Variants in NARS2 observed in about 807,000 individuals in gnomAD.
NARS2 encodes the protein asparaginyl-tRNA synthetase.
A neutral mutation model predicts 62.9 loss-of-function variants in NARS2; 60 were observed. The ratio of observed to expected loss-of-function variants is 0.95; its 90% CI spans 0.77 to 1.18. The LOEUF (loss-of-function observed/expected upper bound fraction) is 1.18. Ranked by LOEUF, NARS2 falls within the 50% of genes most tolerant of loss-of-function variation. The probability of loss-of-function intolerance (pLI) is 0.00; values close to 1 mark genes in which losing one functional copy is unlikely to be tolerated. For synonymous variants in NARS2, 196 were observed against 200.0 expected (o/e 0.98, Z 0.17); for missense variants, 619 against 576.4 (o/e 1.07, Z -0.76).
chr11:78,476,862 G>A (rs1356953513), intron 9 of NARS2, among the ~76,000 whole-genome samples: 1 of 152,120 alleles, frequency 6.6e-6, no homozygotes. Flanking sequence ...CTTAATTCCA[G>A]TACCCTCCCA....
At chr11:78,511,055 T>C (rs1352646246) in intron 6 of NARS2, among the ~76,000 whole-genome samples, 1 of 152,056 alleles carries the variant, frequency 6.6e-6, no homozygotes, top group Non-Finnish European at 1.5e-5. Flanking sequence ...GTGACAGAAA[T>C]AATTCTTTTT....
At chr11:78,547,787 C>T (rs1189068282) in intron 5 of NARS2, among the ~76,000 whole-genome samples, 2 of 152,112 alleles carry the variant, frequency 1.3e-5, no homozygotes, top group East Asian at 1.9e-4. Context: ...CTAAAATTGC[C>T]GTTAGAAAAT....
intron 11 of NARS2, among the ~76,000 whole-genome samples, chr11:78,447,939 A>T (rs1857820819): frequency 6.6e-6 from 1 of 152,180 alleles, no homozygotes; most frequent in Non-Finnish European, 1.5e-5. Context: ...ATTAATCAAA[A>T]GGTGCAAAAT....
At chr11:78,467,178 G>A (rs1367218330) in intron 10 of NARS2, among the ~76,000 whole-genome samples, 1 of 152,186 alleles carries the variant, frequency 6.6e-6, no homozygotes, top group Non-Finnish European at 1.5e-5. Context: ...TAGGAAAAGA[G>A]TTTTGCCTCC....
At chr11:78,449,712 C>T (rs768555654) in intron 11 of NARS2, among the ~76,000 whole-genome samples, 5 of 152,094 alleles carry the variant, frequency 3.3e-5, no homozygotes, top group Non-Finnish European at 7.4e-5. Flanking sequence ...TTGTGGAGGC[C>T]TCAACTGTGC....
chr11:78,497,116 G>C (rs532568502), intron 6 of NARS2, among the ~76,000 whole-genome samples: 11 of 151,866 alleles, frequency 7.2e-5, no homozygotes, highest in African/African-American at 2.7e-4. Context: ...ACTATGAAGA[G>C]AGGAAAGCTA....
intron 9 of NARS2, 49 bp from the exon 10 acceptor site, chr11:78,469,362 G>T: frequency 1.5e-6 from 2 of 1,369,928 alleles, no homozygotes; most frequent in Non-Finnish European, 2.1e-6. Context: ...CAATGGAGCT[G>T]CTAACTAGTT....
At chr11:78,478,157 A>G (rs1167281068) in intron 9 of NARS2, among the ~76,000 whole-genome samples, 1 of 151,648 alleles carries the variant, frequency 6.6e-6, no homozygotes, top group Admixed American at 6.5e-5. Flanking sequence ...TTATAGTTAC[A>G]TAGTTAATAG....
chr11:78,568,679 C>G lies in NARS2; in HGVS notation c.325G>C (p.Glu109Gln), dbSNP rs141090256. 1 of 1,613,108 alleles carries G rather than the reference C, an allele frequency of 6.2e-7. No homozygotes were observed. Among genetic ancestry groups the G allele is most frequent in the Non-Finnish European group, 8.5e-7 (1 of 1,179,502 alleles). ...ACTTTAATTTTTTCTGCCTTCAGTT[C>G]CACATTTTGCCTTTTGGATGGACTT... ...IKSPSKRQNV[E>Q]LKAEKIKVIG... The change falls in exon 3 of 14, where the codon GAA becomes CAA. Residue 109 changes from glutamate (E) to glutamine (Q), a missense_variant. By Grantham distance (29) the Glu-to-Gln change is conservative. Transcript: ENST00000281038.
At chr11:78,550,235 T>C (rs535029717) in intron 5 of NARS2, among the ~76,000 whole-genome samples, 1 of 152,188 alleles carries the variant, frequency 6.6e-6, no homozygotes, top group Admixed American at 6.5e-5. Context: ...CGACCTTTAA[T>C]CCTTCCAACA....
chr11:78,495,638 T>C (rs1258971633), intron 6 of NARS2, among the ~76,000 whole-genome samples: 2 of 152,162 alleles, frequency 1.3e-5, no homozygotes, highest in East Asian at 3.8e-4. Context: ...GCTTCCTCAG[T>C]TGTAAACTAA....
chr11:78,464,661 G>C (rs1044705619), intron 11 of NARS2, among the ~76,000 whole-genome samples: 8 of 151,966 alleles, frequency 5.3e-5, no homozygotes, highest in Non-Finnish European at 8.8e-5. Flanking sequence ...GAGCTAGATA[G>C]AGTGCTGATT....
chr11:78,529,328 C>T lies in NARS2; in HGVS notation c.595-392G>A, dbSNP rs192704052. On this transcript the variant is annotated intron_variant, in intron 5 of 13. Transcript: ENST00000281038. ...AGACTTAATTATCTCAAGAGAATAG[C>T]CTCTGGAACATGCGAGGTCATATTT... Among the ~76,000 whole-genome samples the T allele has an allele frequency of 7.9e-5, 12 of 152,246 alleles. No homozygotes were observed. The East Asian group carries it at 1.9e-3, about 24-fold the overall frequency.
chr11:78,564,710 A>G (rs1555044620), intron 4 of NARS2, among the ~76,000 whole-genome samples: 1 of 152,224 alleles, frequency 6.6e-6, no homozygotes, highest in Non-Finnish European at 1.5e-5. Context: ...TGTGTGGTTC[A>G]AGCAGTACTG....
At chr11:78,547,553 A>G (rs983575679) in intron 5 of NARS2, among the ~76,000 whole-genome samples, 1 of 152,176 alleles carries the variant, frequency 6.6e-6, no homozygotes, top group Non-Finnish European at 1.5e-5. Flanking sequence ...CAAAGCAGGT[A>G]TAAGCCAGGC....
At chr11:78,500,868 G>A (rs1360116549) in intron 6 of NARS2, among the ~76,000 whole-genome samples, 1 of 152,182 alleles carries the variant, frequency 6.6e-6, no homozygotes, top group Non-Finnish European at 1.5e-5. Flanking sequence ...CGAGGCGGGT[G>A]GATCTTTTGA....
At chr11:78,566,330 C>T (rs891488079) in intron 3 of NARS2, 58 bp from the exon 4 acceptor site, 7 of 1,422,236 alleles carry the variant, frequency 4.9e-6, no homozygotes, top group Non-Finnish European at 6.6e-6. Flanking sequence ...TTAATAAAAT[C>T]AGTTTCCAGG....
intron 11 of NARS2, among the ~76,000 whole-genome samples, chr11:78,448,685 T>C (rs181159544): frequency 6.6e-6 from 1 of 152,282 alleles, no homozygotes; most frequent in Non-Finnish European, 1.5e-5. Flanking sequence ...CTCAAAAAGA[T>C]GCTGGAGAAT....
chr11:78,571,247 G>T, intron 2 of NARS2, 88 bp downstream of exon 2: 1 of 754,138 alleles, frequency 1.3e-6, no homozygotes, highest in Non-Finnish European at 2.3e-6. Context: ...TTACTCAGGG[G>T]TCCAACGTAA....
Sources: allele counts gnomAD v4.1 joint callset (sites outside exome capture counted in the v4.1 genomes callset), GRCh38; gene constraint gnomAD v4.1.1; transcripts MANE v1.5; gene names NCBI Gene and HGNC (gene_info 2026-07-23, HGNC 2026-07-21).